AMPH: variants seen among roughly 807,000 people sequenced by gnomAD.
AMPH encodes amphiphysin (Stiff-Mann syndrome with breast cancer 128kD autoantigen).
In AMPH, 49 loss-of-function variants were observed where a neutral mutation model predicts 99.1. The ratio of observed to expected loss-of-function variants is 0.49; its 90% confidence interval spans 0.39 to 0.63. AMPH has a LOEUF of 0.63. Among genes scored for constraint, AMPH ranks in the 20% least tolerant of loss-of-function variants. AMPH has a pLI of 0.00. For missense variants in AMPH, 759 were observed against 863.4 expected (o/e 0.88, Z 1.52); for synonymous variants, 314 against 317.3 (o/e 0.99, Z 0.11).
intron 6 of AMPH, among the ~76,000 whole-genome samples, 199 bp downstream of exon 6, chr7:38,476,663 T>C (rs1478867581): frequency 6.6e-6 from 1 of 152,152 alleles, no homozygotes; most frequent in Non-Finnish European, 1.5e-5. Context: ...AATGTGTGAG[T>C]CAGTATCCCC....
At chr7:38,387,080 C>T (rs191303014) in intron 20 of AMPH, among the ~76,000 whole-genome samples, 51 of 152,284 alleles carry the variant, frequency 3.3e-4, no homozygotes, top group African/African-American at 1.2e-3. Flanking sequence ...CAGACCCACC[C>T]TAACAAAGTA....
At chr7:38,400,278 A>G (rs1422115993) in intron 17 of AMPH, among the ~76,000 whole-genome samples, 2 of 152,080 alleles carry the variant, frequency 1.3e-5, no homozygotes, top group Non-Finnish European at 2.9e-5. Context: ...GGGTTTCACC[A>G]TGTTGGCCAG....
chr7:38,545,971 G>T (rs1056259785), intron 1 of AMPH, among the ~76,000 whole-genome samples: 2 of 152,322 alleles, frequency 1.3e-5, no homozygotes, highest in East Asian at 3.9e-4. Flanking sequence ...TACAGGGGGG[G>T]ATGATTGCTA....
intron 1 of AMPH, among the ~76,000 whole-genome samples, chr7:38,590,350 T>C (rs1792809856): frequency 6.6e-6 from 1 of 152,128 alleles, no homozygotes; most frequent in African/African-American, 2.4e-5. Flanking sequence ...CTGCCAGATC[T>C]GGAGGGGTAG....
intron 14 of AMPH, 165 bp downstream of exon 14, chr7:38,429,677 T>G (rs1785928883): frequency 7.7e-7 from 1 of 1,301,808 alleles, no homozygotes. Flanking sequence ...TTCAGGCGAG[T>G]AGCACCAGTA....
At chr7:38,494,566 G>A in intron 3 of AMPH, 39 bp from the exon 4 acceptor site, 2 of 1,555,086 alleles carry the variant, frequency 1.3e-6, no homozygotes, top group Middle Eastern at 1.7e-4. Context: ...ACACAGAAAT[G>A]AGTGAGGATT....
intron 1 of AMPH, among the ~76,000 whole-genome samples, chr7:38,597,353 G>A (rs1281535859): frequency 6.6e-6 from 1 of 151,984 alleles, no homozygotes; most frequent in Non-Finnish European, 1.5e-5. Flanking sequence ...TGCCCCATAA[G>A]AGGAACAGGA....
At chr7:38,561,978 T>TTTG (rs1791567732) in intron 1 of AMPH, among the ~76,000 whole-genome samples, 3 of 150,778 alleles carry the variant, frequency 2.0e-5, no homozygotes, top group African/African-American at 7.3e-5. Context: ...TTTTTTTTTT[T>TTTG]TTGTTATGGC....
intron 1 of AMPH, among the ~76,000 whole-genome samples, chr7:38,600,895 CA>C (rs1467418772): frequency 6.6e-6 from 1 of 152,220 alleles, no homozygotes; most frequent in African/African-American, 2.4e-5. Context: ...GGTACTACCA[CA>C]AACATTACCC....
chr7:38,544,050 A>C (rs1025066615), intron 1 of AMPH, among the ~76,000 whole-genome samples: 1 of 152,182 alleles, frequency 6.6e-6, no homozygotes, highest in Admixed American at 6.5e-5. Context: ...AAAGAAACAC[A>C]GCCTGGTGAC....
intron 1 of AMPH, among the ~76,000 whole-genome samples, chr7:38,610,998 T>G (rs949660430): frequency 6.6e-6 from 1 of 152,112 alleles, no homozygotes; most frequent in African/African-American, 2.4e-5. Flanking sequence ...AACAGAATCT[T>G]GAAAAGCTAT....
chr7:38,575,849 A>G (rs1330488509), intron 1 of AMPH, among the ~76,000 whole-genome samples: 3 of 152,132 alleles, frequency 2.0e-5, no homozygotes, highest in East Asian at 1.9e-4. Flanking sequence ...CTTTCATTCT[A>G]TTCCTAAGGG....
At chr7:38,539,224 A>G (rs1248251907) in intron 1 of AMPH, among the ~76,000 whole-genome samples, 1 of 152,214 alleles carries the variant, frequency 6.6e-6, no homozygotes, top group African/African-American at 2.4e-5. Flanking sequence ...GAAAGTGTCC[A>G]CTGGATTTAG....
chr7:38,388,396 A>T (rs1051317055), intron 20 of AMPH, among the ~76,000 whole-genome samples: 1 of 151,884 alleles, frequency 6.6e-6, no homozygotes, highest in Non-Finnish European at 1.5e-5. Flanking sequence ...AATTTTGTTA[A>T]TCCTCTCAAA....
intron 12 of AMPH, among the ~76,000 whole-genome samples, chr7:38,435,307 T>C (rs1786219376): frequency 6.6e-6 from 1 of 152,210 alleles, no homozygotes; most frequent in South Asian, 2.1e-4. Context: ...AATCCTTATT[T>C]ATTAAGGTTC....
chr7:38,616,396 T>C (rs1240016063), intron 1 of AMPH, among the ~76,000 whole-genome samples: 1 of 152,230 alleles, frequency 6.6e-6, no homozygotes, highest in Non-Finnish European at 1.5e-5. Context: ...TGGACAGGAC[T>C]ATAAATTTGA....
intron 1 of AMPH, among the ~76,000 whole-genome samples, chr7:38,560,862 G>C (rs1362890005): frequency 6.6e-6 from 1 of 152,168 alleles, no homozygotes; most frequent in African/African-American, 2.4e-5. Flanking sequence ...TCTGGGGTGA[G>C]GCTGAAGTCT....
chr7:38,530,829 G>C (rs997814116), intron 2 of AMPH, among the ~76,000 whole-genome samples: 1 of 152,148 alleles, frequency 6.6e-6, no homozygotes, highest in African/African-American at 2.4e-5. Flanking sequence ...AAAATAGAAC[G>C]GGGAAGAAAG....
At chr7:38,505,628 A>G (rs1789295860) in intron 2 of AMPH, among the ~76,000 whole-genome samples, 1 of 152,186 alleles carries the variant, frequency 6.6e-6, no homozygotes, top group Non-Finnish European at 1.5e-5. Context: ...TGGGGTTCCA[A>G]ACAGCAAAGT....
Sources: gnomAD v4.1 joint callset for allele counts (sites outside exome capture counted in the v4.1 genomes callset) on GRCh38, gnomAD v4.1.1 for gene constraint, MANE v1.5 for transcripts, NCBI Gene and HGNC (gene_info 2026-07-23, HGNC 2026-07-21) for gene names.